The following MORN5 variants were observed in gnomAD, a reference collection of about 807,000 sequenced individuals.
MORN5 encodes the protein MORN repeat-containing protein 5.
In MORN5, 21 loss-of-function variants were observed where a neutral mutation model predicts 22.1. The ratio of observed to expected loss-of-function variants is 0.95; its 90% confidence interval spans 0.67 to 1.37. The LOEUF (loss-of-function observed/expected upper bound fraction) is 1.37, where lower values mean the gene tolerates loss of function less well. Ranked by LOEUF, MORN5 falls within the 40% of genes most tolerant of loss-of-function variation. The pLI, the probability that MORN5 is intolerant of heterozygous loss-of-function variation, is 0.00. For synonymous variants in MORN5, 73 were observed against 74.0 expected (o/e 0.99, Z 0.07); for missense variants, 211 against 215.1 (o/e 0.98, Z 0.12).
intron 4 of MORN5, 124 bp downstream of exon 4, chr9:122,174,751 T>C: frequency 1.9e-6 from 3 of 1,590,676 alleles, no homozygotes; most frequent in Non-Finnish European, 2.6e-6. Flanking sequence ...AAGATGAAAG[T>C]TGATTACCTG....
At chr9:122,198,329 C>T (rs1249882850) in intron 4 of MORN5, among the ~76,000 whole-genome samples, 1 of 152,182 alleles carries the variant, frequency 6.6e-6, no homozygotes. Context: ...TTTCAGCTCT[C>T]AGGGAGTGCC....
intron 1 of MORN5, among the ~76,000 whole-genome samples, chr9:122,165,832 AAATAC>A (rs1458401373): frequency 1.3e-5 from 2 of 152,164 alleles, no homozygotes; most frequent in Non-Finnish European, 2.9e-5. Flanking sequence ...GGTGCTCTGT[AAATAC>A]CTGTTTGGAA....
intron 4 of MORN5, among the ~76,000 whole-genome samples, chr9:122,198,133 C>A (rs1829935895): frequency 6.6e-6 from 1 of 152,176 alleles, no homozygotes; most frequent in South Asian, 2.1e-4. Context: ...TAGGACAAGG[C>A]TCTCCCCTAC....
At chr9:122,194,899 G>T (rs1343418336) in intron 4 of MORN5, among the ~76,000 whole-genome samples, 1 of 151,830 alleles carries the variant, frequency 6.6e-6, no homozygotes, top group African/African-American at 2.4e-5. Context: ...ACGGGCCTGT[G>T]ATCCCAGCTA....
Position 122,166,891 on chromosome 9 carries a change from T to A in MORN5, c.171T>A (p.Ile57=), listed in dbSNP as rs1453744364. The change falls in exon 2 of 5, where the codon ATT becomes ATA. Residue 57 remains isoleucine, a synonymous_variant. Coordinates refer to ENST00000373764, the MANE Select transcript of MORN5 (RefSeq NM_198469.4). Reference sequence around the variant, plus strand: ...CCAGCGGAAGCCAATACGACGCCATTTGGGAAAACGGATTGGCCATAAAGG... The same window carrying A: ...CCAGCGGAAGCCAATACGACGCCATATGGGAAAACGGATTGGCCATAAAGG... The part of the protein sequence containing the change: ...YFPSGSQYDA[I]WENGLAIKGT... 2.5e-6 allele frequency: 4 copies of A among 1,613,552 alleles called. No individual in the cohort carries two copies. The African/African-American group carries it at 5.3e-5, about 22-fold the overall frequency.
intron 4 of MORN5, 144 bp downstream of exon 4, chr9:122,174,771 T>G: frequency 6.5e-7 from 1 of 1,550,070 alleles, no homozygotes; most frequent in South Asian, 1.2e-5. Flanking sequence ...GGATGTTTTA[T>G]TTTTTGGACT....
At position 122,178,486 on chromosome 9, in the gene MORN5, T is replaced by TCAAAA. The variant is rs1259580918; in HGVS notation, c.439+3875_439+3879dup. On this transcript the variant is annotated intron_variant, in intron 4 of 4. Transcript: ENST00000373764. ...CTGGGTGATACAGCGAGACCCCCTC[T>TCAAAA]CAAAACAAAACAAAACAAAATGTGC... Among the ~76,000 whole-genome samples the TCAAAA allele has an allele frequency of 3.9e-5, 6 of 152,054 alleles. No individual in the cohort carries two copies. In the East Asian group the frequency reaches 5.8e-4, roughly 15 times the overall value.
At chr9:122,173,355 A>G (rs2118754491) in intron 3 of MORN5, among the ~76,000 whole-genome samples, 1 of 152,350 alleles carries the variant, frequency 6.6e-6, no homozygotes, top group Non-Finnish European at 1.5e-5. Context: ...GGGCATTGGC[A>G]TGAGGCTTTG....
At position 122,169,694 on chromosome 9, in the gene MORN5, A is replaced by T. The variant is rs1234344524; in HGVS notation, c.245A>T (p.His82Leu). The T allele has an allele frequency of 6.2e-7, 1 of 1,614,126 alleles. No homozygotes were observed. The change falls in exon 3 of 5, where the codon CAT becomes CTT. Residue 82 changes from histidine (H) to leucine (L), a missense_variant. Physicochemically the swap from His to Leu is moderately conservative, Grantham distance 99. Transcript: ENST00000373764. Reference protein sequence around the residue: ...DGLHYDEKNWHYCDGYDRRFY... With the variant: ...DGLHYDEKNWLYCDGYDRRFY... ...CTGCACTATGATGAGAAAAACTGGC[A>T]TTACTGCGACGGCTATGATCGGAGG... is the stretch of plus-strand genomic sequence containing the variant.
At chr9:122,178,306 T>TG (rs1183387818) in intron 4 of MORN5, among the ~76,000 whole-genome samples, 1 of 152,156 alleles carries the variant, frequency 6.6e-6, no homozygotes, top group Non-Finnish European at 1.5e-5. Context: ...CTGGCCAACA[T>TG]GGTGAAACCC....
intron 4 of MORN5, chr9:122,174,962 A>G: frequency 2.5e-6 from 2 of 791,446 alleles, no homozygotes; most frequent in Non-Finnish European, 3.1e-6. Flanking sequence ...TTGGGGGAAA[A>G]GCAGAGCAAA....
At chr9:122,184,358 G>C (rs1829580159) in intron 4 of MORN5, among the ~76,000 whole-genome samples, 2 of 152,166 alleles carry the variant, frequency 1.3e-5, no homozygotes. Context: ...CTTTAGAAAA[G>C]GGCGAAATTT....
At chr9:122,160,702 C>A (rs754364528) in intron 1 of MORN5, among the ~76,000 whole-genome samples, 1 of 152,008 alleles carries the variant, frequency 6.6e-6, no homozygotes, top group African/African-American at 2.4e-5. Flanking sequence ...GCAGCCTCAA[C>A]CCCCTAGGCT....
intron 4 of MORN5, among the ~76,000 whole-genome samples, chr9:122,180,650 C>G (rs1011594848): frequency 6.6e-6 from 1 of 152,296 alleles, no homozygotes; most frequent in Admixed American, 6.5e-5. Context: ...GATTTCACAA[C>G]CTTTTCAAAG....
rs1314597996 is a variant in MORN5 at position 122,197,710 on chromosome 9, G to C, written c.440-2175G>C. On this transcript the variant is annotated intron_variant, in intron 4 of 4. Transcript: ENST00000373764. The surrounding 1 kb of genome is among the most constrained non-coding windows in gnomAD (Gnocchi z 5.7). ...TCAGCACAATACACCCAGTTTGTCT[G>C]GTTTCAGGGGTTACTGCTGAAGAGG... Among the ~76,000 whole-genome samples, 2 of 152,226 alleles carry C rather than the reference G, an allele frequency of 1.3e-5. No homozygotes were observed. The highest frequency in any genetic ancestry group is 4.8e-5 in the African/African-American group (2 of 41,472).
At chr9:122,175,989 C>T (rs181529417) in intron 4 of MORN5, among the ~76,000 whole-genome samples, 27 of 152,164 alleles carry the variant, frequency 1.8e-4, no homozygotes, top group African/African-American at 5.3e-4. Flanking sequence ...TGGCGGGCGC[C>T]TGTAGTCCCA....
chr9:122,192,380 T>C lies in MORN5; in HGVS notation c.440-7505T>C, dbSNP rs373230632. Among the ~76,000 whole-genome samples, 257 of 152,326 alleles carry C rather than the reference T, an allele frequency of 1.7e-3. 1 individual carries two copies. The highest frequency in any genetic ancestry group is 5.8e-3 in the African/African-American group (242 of 41,572). On this transcript the variant is annotated intron_variant, in intron 4 of 4. Transcript: ENST00000373764. ...TGAGGAAATGAGACCTAGGGAGGTGTGAGGCCACTCGCTCAAGGTCTGTGG... is the reference window on the plus strand; with the variant it reads ...TGAGGAAATGAGACCTAGGGAGGTGCGAGGCCACTCGCTCAAGGTCTGTGG...
chr9:122,189,810 GT>G (rs1484473489), intron 4 of MORN5, among the ~76,000 whole-genome samples: 1 of 152,090 alleles, frequency 6.6e-6, no homozygotes, highest in Admixed American at 6.5e-5. Flanking sequence ...GTTTCACCAT[GT>G]TAGACAGGAT....
At chr9:122,199,833 G>T in intron 4 of MORN5, 52 bp from the exon 5 acceptor site, 2 of 1,605,402 alleles carry the variant, frequency 1.2e-6, no homozygotes, top group African/African-American at 2.7e-5. Context: ...CCCAGGCCAG[G>T]AAAGGTCCCA....
Sources: gnomAD v4.1 joint callset for allele counts (sites outside exome capture counted in the v4.1 genomes callset) on GRCh38, gnomAD v4.1.1 for gene constraint, Gnocchi (gnomAD v3.1) non-coding constraint, MANE v1.5 for transcripts, NCBI Gene and HGNC (gene_info 2026-07-23, HGNC 2026-07-21) for gene names.